Variants in LOC128706666 observed in about 807,000 individuals in gnomAD.
chr20:10,431,650 T>G, the LOC128706666 span: 1 of 152,178 alleles, frequency 6.6e-6, no homozygotes. Context: ...TCCTCTATCC[T>G]CCTCTGAATT....
the LOC128706666 span, among the ~76,000 whole-genome samples, chr20:10,433,943 C>T: frequency 2.6e-5 from 4 of 152,324 alleles, no homozygotes; most frequent in African/African-American, 7.2e-5. Flanking sequence ...CGGTCTTTCG[C>T]CTCCTACAGA....
chr20:10,431,303 C>A, the LOC128706666 span, among the ~76,000 whole-genome samples: 78,666 of 151,832 alleles, frequency 0.52, 20,724 homozygotes, highest in Non-Finnish European at 0.56. Context: ...ATGTATCCCA[C>A]ATTCACAATA....
the LOC128706666 span, among the ~76,000 whole-genome samples, chr20:10,422,001 T>G: frequency 6.6e-6 from 1 of 152,240 alleles, no homozygotes; most frequent in Middle Eastern, 3.4e-3. Context: ...TACTTTATTT[T>G]TGTCTAAATG....
chr20:10,416,361 T>C, the LOC128706666 span, among the ~76,000 whole-genome samples: 1 of 152,136 alleles, frequency 6.6e-6, no homozygotes, highest in East Asian at 1.9e-4. Flanking sequence ...CTGGGGTCCT[T>C]TTCTGCCCAA....
At chr20:10,423,317 G>T in the LOC128706666 span, among the ~76,000 whole-genome samples, 2 of 152,126 alleles carry the variant, frequency 1.3e-5, no homozygotes, top group Non-Finnish European at 2.9e-5. Flanking sequence ...TGCGTGGGGG[G>T]TGCTGAGGTA....
the LOC128706666 span, among the ~76,000 whole-genome samples, chr20:10,422,771 G>C: frequency 6.6e-6 from 1 of 151,194 alleles, no homozygotes; most frequent in Admixed American, 6.6e-5. Context: ...TAGTGCAGTG[G>C]TGCGATCTCA....
At chr20:10,427,305 T>A in the LOC128706666 span, among the ~76,000 whole-genome samples, 1 of 152,234 alleles carries the variant, frequency 6.6e-6, no homozygotes, top group Non-Finnish European at 1.5e-5. Context: ...GCTGGCCTTT[T>A]GGACACAGTG....
At chr20:10,430,395 C>T in the LOC128706666 span, among the ~76,000 whole-genome samples, 1 of 150,752 alleles carries the variant, frequency 6.6e-6, no homozygotes, top group African/African-American at 2.4e-5. Flanking sequence ...CATAAGCTTG[C>T]TGTGCAGTTA....
At chr20:10,414,424 C>T in the LOC128706666 span, among the ~76,000 whole-genome samples, 1 of 152,064 alleles carries the variant, frequency 6.6e-6, no homozygotes, top group South Asian at 2.1e-4. Flanking sequence ...CGCCACCATG[C>T]CCAGCTAATT....
the LOC128706666 span, among the ~76,000 whole-genome samples, chr20:10,418,843 T>C: frequency 6.6e-6 from 1 of 152,136 alleles, no homozygotes; most frequent in Non-Finnish European, 1.5e-5. Flanking sequence ...AAAGACTATA[T>C]ATATAAAAAT....
the LOC128706666 span, among the ~76,000 whole-genome samples, chr20:10,426,713 G>A: frequency 6.6e-6 from 1 of 152,218 alleles, no homozygotes; most frequent in Non-Finnish European, 1.5e-5. Flanking sequence ...GTCCTTGGCT[G>A]ATTTTCATGT....
chr20:10,425,762 G>C, the LOC128706666 span, among the ~76,000 whole-genome samples: 1 of 152,118 alleles, frequency 6.6e-6, no homozygotes, highest in Non-Finnish European at 1.5e-5. Flanking sequence ...CTCATTTATT[G>C]AACTTTTCAA....
the LOC128706666 span, among the ~76,000 whole-genome samples, chr20:10,426,205 T>C: frequency 6.6e-6 from 1 of 152,228 alleles, no homozygotes; most frequent in African/African-American, 2.4e-5. Context: ...TGGCATTCAA[T>C]TTAGATGTGA....
At chr20:10,424,184 T>G in the LOC128706666 span, among the ~76,000 whole-genome samples, 1 of 152,044 alleles carries the variant, frequency 6.6e-6, no homozygotes, top group African/African-American at 2.4e-5. Context: ...CAAGATGGAA[T>G]TAGCACTTTA....
At chr20:10,419,870 A>C in the LOC128706666 span, among the ~76,000 whole-genome samples, 1 of 152,222 alleles carries the variant, frequency 6.6e-6, no homozygotes, top group East Asian at 1.9e-4. Flanking sequence ...TTTCTATTTA[A>C]TATTTTCAGA....
the LOC128706666 span, among the ~76,000 whole-genome samples, chr20:10,418,511 C>T: frequency 6.6e-6 from 1 of 152,150 alleles, no homozygotes. Context: ...AAATCCGGCT[C>T]TAACTTTTGC....
At chr20:10,425,645 T>C in the LOC128706666 span, among the ~76,000 whole-genome samples, 1 of 152,196 alleles carries the variant, frequency 6.6e-6, no homozygotes, top group African/African-American at 2.4e-5. Context: ...TGGACTGTCT[T>C]GTAGAGATTC....
At chr20:10,424,984 C>T in the LOC128706666 span, among the ~76,000 whole-genome samples, 4 of 150,486 alleles carry the variant, frequency 2.7e-5, no homozygotes, top group Non-Finnish European at 5.9e-5. Context: ...ACCTGGGAGG[C>T]GGAGGTTGCA....
At chr20:10,415,853 G>A in the LOC128706666 span, among the ~76,000 whole-genome samples, 4 of 152,116 alleles carry the variant, frequency 2.6e-5, no homozygotes, top group South Asian at 8.3e-4. Flanking sequence ...CTTTTGGCTA[G>A]TATTTCATTA....
Sources: allele counts gnomAD v4.1 joint callset (sites outside exome capture counted in the v4.1 genomes callset), GRCh38; gene constraint gnomAD v4.1.1; transcripts MANE v1.5.